Variants in SDAD1 observed in about 807,000 individuals in gnomAD.
The protein encoded by SDAD1 is SDA1 domain containing 1, also known as protein SDA1 homolog.
SDAD1 carries 79 observed loss-of-function variants against 100.3 expected under a neutral mutation model. The ratio of observed to expected loss-of-function variants is 0.79; its 90% CI spans 0.66 to 0.95. SDAD1 has a LOEUF of 0.95. Ranked by LOEUF, SDAD1 falls within the 40% of genes least tolerant of loss-of-function variation. SDAD1 has a pLI of 0.00. For missense variants in SDAD1, 790 were observed against 810.9 expected (o/e 0.97, Z 0.31); for synonymous variants, 267 against 271.4 (o/e 0.98, Z 0.16).
chr4:75,962,708 C>T (rs1729316527), intron 14 of SDAD1, among the ~76,000 whole-genome samples: 1 of 152,168 alleles, frequency 6.6e-6, no homozygotes, highest in Non-Finnish European at 1.5e-5. Flanking sequence ...TTTTGAGAAG[C>T]ATCTGTTCAT....
chr4:75,955,350 CT>C (rs1283892556), intron 21 of SDAD1, among the ~76,000 whole-genome samples: 1 of 152,134 alleles, frequency 6.6e-6, no homozygotes, highest in African/African-American at 2.4e-5. Context: ...GGTGACCCCC[CT>C]GGACCCAACT....
intron 21 of SDAD1, among the ~76,000 whole-genome samples, chr4:75,954,063 A>G (rs1728751389): frequency 6.6e-6 from 1 of 151,988 alleles, no homozygotes; most frequent in Non-Finnish European, 1.5e-5. Context: ...TCACCACACA[A>G]AATTATTGGG....
chr4:75,964,010 G>A lies in SDAD1; in HGVS notation c.1181+125C>T, dbSNP rs1729395719. ...AATTATCAAGCCTCCCAAAAAGACTGAAATATATTTTAAACCAATTTTATA... is the reference window on the plus strand; with the variant it reads ...AATTATCAAGCCTCCCAAAAAGACTAAAATATATTTTAAACCAATTTTATA... On this transcript the variant is annotated intron_variant, in intron 14 of 21. Coordinates refer to ENST00000356260, the MANE Select transcript of SDAD1 (RefSeq NM_018115.4). 3 of 642,172 alleles carry A rather than the reference G, an allele frequency of 4.7e-6. No individual in the cohort carries two copies. The South Asian group carries it at 5.4e-5, about 12-fold the overall frequency. 39.8% of individuals were successfully genotyped at this position (642,172 alleles called of 1,614,324 possible). A position where few individuals can be genotyped will look rare whatever the true frequency, so the allele number is the denominator to read the frequency against.
intron 17 of SDAD1, among the ~76,000 whole-genome samples, chr4:75,959,055 G>A (rs1444156346): frequency 3.4e-5 from 4 of 116,846 alleles, no homozygotes; most frequent in Non-Finnish European, 1.6e-5. Context: ...CCGAGATCAC[G>A]CCACTGTACT....
chr4:75,974,768 G>A (rs111857428), intron 6 of SDAD1, among the ~76,000 whole-genome samples: 2,753 of 150,884 alleles, frequency 0.018, 39 homozygotes, highest in Non-Finnish European at 0.026. Context: ...TAGGCCGGGC[G>A]CAGTGGCTCA....
At chr4:75,958,339 T>C (rs891387931) in intron 17 of SDAD1, among the ~76,000 whole-genome samples, 8 of 152,216 alleles carry the variant, frequency 5.3e-5, no homozygotes, top group Admixed American at 1.3e-4. Context: ...ACTGCACTTG[T>C]ACATTTATCC....
intron 16 of SDAD1, among the ~76,000 whole-genome samples, chr4:75,960,417 C>T (rs1365353541): frequency 1.3e-5 from 2 of 152,178 alleles, no homozygotes; most frequent in African/African-American, 4.8e-5. Context: ...GTTGGGACTA[C>T]AGGCACGCAC....
chr4:75,953,382 CA>C (rs1728718428), intron 21 of SDAD1, among the ~76,000 whole-genome samples: 1 of 152,134 alleles, frequency 6.6e-6, no homozygotes, highest in African/African-American at 2.4e-5. Flanking sequence ...GGCCTACCAA[CA>C]GGGTAATTAA....
At position 75,957,363 on chromosome 4, in the gene SDAD1, G is replaced by T. The variant is rs548956926; in HGVS notation, c.1816C>A (p.Pro606Thr). The T allele has an allele frequency of 2.5e-6, 4 of 1,614,082 alleles. No homozygotes were observed. Among genetic ancestry groups the T allele is most frequent in the Non-Finnish European group, 2.5e-6 (3 of 1,180,008 alleles). The part of the protein sequence containing the change: ...LRDIERLHKK[P>T]KSDKETRLAT... ...AGTCTTGTCTCTTTGTCAGACTTTG[G>T]CTTTTTATGAAGGCGTTCAATGTCC... is the stretch of plus-strand genomic sequence containing the variant. Residue 606 changes from proline (P) to threonine (T), a missense_variant, in exon 20 of 22, where the codon CCA (proline) becomes ACA (threonine). Transcript: ENST00000356260.
At chr4:75,970,269 G>A in intron 10 of SDAD1, 40 bp downstream of exon 10, 1 of 1,537,730 alleles carries the variant, frequency 6.5e-7, no homozygotes, top group Non-Finnish European at 9.0e-7. Flanking sequence ...AATAGGCAGA[G>A]ATAAGGCCAA....
chr4:75,970,251 G>A, intron 10 of SDAD1, 58 bp downstream of exon 10: 1 of 1,404,814 alleles, frequency 7.1e-7, no homozygotes, highest in East Asian at 2.3e-5. Context: ...CCCAAAGGCA[G>A]GAAATAAAAT....
Position 75,957,677 on chromosome 4 carries a change from T to C in SDAD1, c.1610A>G (p.Glu537Gly), listed in dbSNP as rs530610591. The change falls in exon 19 of 22, where the codon GAG becomes GGG. Residue 537 changes from glutamate (E) to glycine (G), a missense_variant. Coordinates refer to ENST00000356260, the MANE Select transcript of SDAD1 (RefSeq NM_018115.4). ...SKKLNSMPMEERKAKAAAIST... is the reference protein window; with the variant it reads ...SKKLNSMPMEGRKAKAAAIST... ...GATGGCTGCAGCTTTGGCCTTCCGCTCCTCCATGGGCATGCTGTTCAGCTT... is the reference window on the plus strand; with the variant it reads ...GATGGCTGCAGCTTTGGCCTTCCGCCCCTCCATGGGCATGCTGTTCAGCTT... 2 of 1,614,190 alleles carry C rather than the reference T, an allele frequency of 1.2e-6. No homozygotes were observed. The highest frequency in any genetic ancestry group is 2.7e-5 in the African/African-American group (2 of 75,052).
At chr4:75,975,633 A>G (rs1730112159) in intron 6 of SDAD1, 111 bp downstream of exon 6, 2 of 665,746 alleles carry the variant, frequency 3.0e-6, no homozygotes, top group Admixed American at 2.7e-5. Flanking sequence ...AATCTATGAC[A>G]TAAGTATATT....
At position 75,977,643 on chromosome 4, in the gene SDAD1, T is replaced by C; in HGVS notation, c.405+3A>G. 6.3e-7 allele frequency: 1 copy of C among 1,583,232 alleles called. No individual in the cohort carries two copies. Among genetic ancestry groups the C allele is most frequent in the Non-Finnish European group, 8.7e-7 (1 of 1,153,238 alleles). On this transcript the variant is annotated splice_donor_region_variant and intron_variant, in intron 4 of 21. Coordinates refer to ENST00000356260, the MANE Select transcript of SDAD1 (RefSeq NM_018115.4). ...GCAGGGAAATATTTGTTTTGCCCTT[T>C]ACCTTTCGCAGAAGTTTATCATGGC...
At chr4:75,958,836 G>A (rs1214344645) in intron 17 of SDAD1, among the ~76,000 whole-genome samples, 4 of 148,718 alleles carry the variant, frequency 2.7e-5, no homozygotes, top group African/African-American at 7.4e-5. Context: ...AGTGGCTCAC[G>A]CCTGTAATCC....
chr4:75,975,357 G>A (rs970722122), intron 6 of SDAD1, among the ~76,000 whole-genome samples: 2 of 152,158 alleles, frequency 1.3e-5, no homozygotes, highest in Non-Finnish European at 2.9e-5. Context: ...TCTTCAGAGC[G>A]GCAGAAGAGA....
At chr4:75,964,929 C>A (rs185070173) in intron 13 of SDAD1, among the ~76,000 whole-genome samples, 1 of 151,980 alleles carries the variant, frequency 6.6e-6, no homozygotes, top group Admixed American at 6.6e-5. Context: ...GCCTCAGGAC[C>A]CTGTGATGAT....
intron 1 of SDAD1, among the ~76,000 whole-genome samples, chr4:75,985,285 A>G (rs753389208): frequency 1.3e-5 from 2 of 152,130 alleles, no homozygotes; most frequent in Non-Finnish European, 2.9e-5. Context: ...GGGTGGGGCC[A>G]AGGCATCTAA....
At chr4:75,960,789 T>C (rs1729186664) in intron 16 of SDAD1, among the ~76,000 whole-genome samples, 1 of 152,216 alleles carries the variant, frequency 6.6e-6, no homozygotes, top group Non-Finnish European at 1.5e-5. Context: ...CATTAAAAGC[T>C]TTCAAGCTGA....
Sources: allele counts gnomAD v4.1 joint callset (sites outside exome capture counted in the v4.1 genomes callset), GRCh38; gene constraint gnomAD v4.1.1; transcripts MANE v1.5; gene names NCBI Gene and HGNC (gene_info 2026-07-23, HGNC 2026-07-21).